Variants in ARL14EPL observed in about 807,000 individuals in gnomAD.
ARL14EPL encodes ARF like GTPase 14 effector protein like, also known as ARL14 effector protein-like.
Under a neutral mutation model 15.9 loss-of-function variants are expected in ARL14EPL, and 17 were observed. That is an observed-to-expected ratio of 1.07 (90% CI 0.73 to 1.60). The LOEUF (loss-of-function observed/expected upper bound fraction) is 1.60. Among genes scored for constraint, ARL14EPL ranks in the 40% most tolerant of loss-of-function variants. The pLI is 0.00. For missense variants in ARL14EPL, 214 were observed against 185.9 expected (o/e 1.15, Z -0.88); for synonymous variants, 78 against 63.8 (o/e 1.22, Z -1.06).
chr5:116,042,051 G>A (rs937495430), intron 1 of ARL14EPL, among the ~76,000 whole-genome samples: 7 of 151,942 alleles, frequency 4.6e-5, no homozygotes, highest in Admixed American at 6.6e-5. Context: ...GGCTGGTCTC[G>A]AATGTCTGGG....
At chr5:116,056,248 G>GT (rs772018900) in intron 3 of ARL14EPL, among the ~76,000 whole-genome samples, 2 of 152,008 alleles carry the variant, frequency 1.3e-5, no homozygotes, top group Non-Finnish European at 2.9e-5. Flanking sequence ...GGTTGAAGTA[G>GT]TTTACTGTCC....
At chr5:116,034,535 A>G (rs1419910801) in intron 1 of ARL14EPL, among the ~76,000 whole-genome samples, 2 of 151,960 alleles carry the variant, frequency 1.3e-5, no homozygotes, top group Non-Finnish European at 2.9e-5. Flanking sequence ...CCCAACACAT[A>G]CCCCCATTTT....
At chr5:116,049,722 G>T (rs556403832) in intron 1 of ARL14EPL, among the ~76,000 whole-genome samples, 1 of 152,170 alleles carries the variant, frequency 6.6e-6, no homozygotes. Flanking sequence ...GACCATAAAA[G>T]AGAGATAAGT....
At chr5:116,044,785 C>T (rs1225724624) in intron 1 of ARL14EPL, among the ~76,000 whole-genome samples, 2 of 152,066 alleles carry the variant, frequency 1.3e-5, no homozygotes, top group Admixed American at 6.6e-5. Flanking sequence ...CTCCCCTCGT[C>T]CCAGCCATTA....
intron 1 of ARL14EPL, 115 bp from the exon 2 acceptor site, chr5:116,051,341 AC>A: frequency 2.9e-6 from 2 of 686,024 alleles, no homozygotes; most frequent in East Asian, 2.8e-5. Context: ...GAGTACAGAT[AC>A]AGTCTGGTTT....
At chr5:116,043,803 G>A (rs183101780) in intron 1 of ARL14EPL, among the ~76,000 whole-genome samples, 83 of 152,246 alleles carry the variant, frequency 5.5e-4, no homozygotes, top group African/African-American at 1.9e-3. Context: ...ATTTTCCTCT[G>A]TCTAGTTTTA....
chr5:116,045,492 C>T (rs534783345), intron 1 of ARL14EPL, among the ~76,000 whole-genome samples: 2 of 152,222 alleles, frequency 1.3e-5, no homozygotes, highest in South Asian at 4.2e-4. Flanking sequence ...AATGTATAAT[C>T]CAACAGATCC....
intron 1 of ARL14EPL, among the ~76,000 whole-genome samples, chr5:116,035,438 T>C (rs1423187060): frequency 2.0e-5 from 3 of 152,232 alleles, no homozygotes; most frequent in Non-Finnish European, 4.4e-5. Context: ...TGAGAATCTA[T>C]TTCCTAGAAT....
chr5:116,054,155 T>C lies in ARL14EPL; in HGVS notation c.236+2T>C. 1 of 1,534,542 alleles carries C rather than the reference T, an allele frequency of 6.5e-7. No individual in the cohort carries two copies. Among genetic ancestry groups the C allele is most frequent in the Non-Finnish European group, 8.7e-7 (1 of 1,146,034 alleles). On this transcript the variant is annotated splice_donor_variant, in intron 3 of 3. Coordinates refer to ENST00000686077, the MANE Select transcript of ARL14EPL (RefSeq NM_001195581.2). LOFTEE classifies it high-confidence loss of function. ...TGAATATTTTTCTACCAAATACAAG[T>C]AAGATTCTGACTTATTGTATTTGAT... is the stretch of plus-strand genomic sequence containing the variant.
chr5:116,056,883 A>G (rs1487666817), intron 3 of ARL14EPL, among the ~76,000 whole-genome samples: 6 of 152,230 alleles, frequency 3.9e-5, no homozygotes, highest in Non-Finnish European at 8.8e-5. Context: ...CAGTTTTCCC[A>G]GCACCATTTG....
chr5:116,033,835 TA>T (rs1749001550), intron 1 of ARL14EPL, among the ~76,000 whole-genome samples: 1 of 152,212 alleles, frequency 6.6e-6, no homozygotes, highest in African/African-American at 2.4e-5. Context: ...GTATTTAAAA[TA>T]GAGTATATGT....
intron 1 of ARL14EPL, among the ~76,000 whole-genome samples, chr5:116,039,356 G>A (rs1749106059): frequency 6.6e-6 from 1 of 151,924 alleles, no homozygotes. Flanking sequence ...CTCTACAAAG[G>A]TATCAGGAAA....
At chr5:116,057,050 A>T (rs533649804) in intron 3 of ARL14EPL, among the ~76,000 whole-genome samples, 1 of 152,242 alleles carries the variant, frequency 6.6e-6, no homozygotes, top group Admixed American at 6.5e-5. Context: ...AACCAAATCC[A>T]GCAGCATATC....
intron 2 of ARL14EPL, among the ~76,000 whole-genome samples, chr5:116,053,680 T>A (rs1749449886): frequency 1.3e-5 from 2 of 152,184 alleles, no homozygotes; most frequent in Non-Finnish European, 2.9e-5. Flanking sequence ...CTTACCCACA[T>A]CAAATGCTAA....
intron 2 of ARL14EPL, among the ~76,000 whole-genome samples, chr5:116,052,723 T>G (rs1749416563): frequency 6.6e-6 from 1 of 152,378 alleles, no homozygotes; most frequent in Admixed American, 6.5e-5. Flanking sequence ...AGAAACATTA[T>G]ATTATTTTAG....
At chr5:116,052,339 A>G (rs1749405783) in intron 2 of ARL14EPL, 11 of 884,338 alleles carry the variant, frequency 1.2e-5, no homozygotes, top group Non-Finnish European at 2.1e-5. Flanking sequence ...ATGTCGGACA[A>G]AAAAGCTACA....
chr5:116,047,779 G>GAAAC (rs1353571289), intron 1 of ARL14EPL, among the ~76,000 whole-genome samples: 85,137 of 151,668 alleles, frequency 0.56, 25,181 homozygotes, highest in Middle Eastern at 0.67. Flanking sequence ...CACAGATAGG[G>GAAAC]TGGAGGAAAA....
Position 116,036,579 on chromosome 5 carries a change from G to A in ARL14EPL, c.-10+4074G>A, listed in dbSNP as rs1385573678. 3.3e-5 allele frequency among the ~76,000 whole-genome samples: 5 copies of A among 152,202 alleles called. No homozygotes were observed. In the East Asian group the frequency reaches 5.8e-4, roughly 18 times the overall value. ...AGCTCTAAAATGACTAGCTTCATGCGGTCAAGTCACTGTTTGGGTTTCTAC... is the reference window on the plus strand; with the variant it reads ...AGCTCTAAAATGACTAGCTTCATGCAGTCAAGTCACTGTTTGGGTTTCTAC... On this transcript the variant is annotated intron_variant, in intron 1 of 3. Coordinates refer to ENST00000686077, the MANE Select transcript of ARL14EPL (RefSeq NM_001195581.2).
intron 1 of ARL14EPL, among the ~76,000 whole-genome samples, chr5:116,046,664 T>A (rs1749273785): frequency 6.6e-6 from 1 of 152,206 alleles, no homozygotes; most frequent in Non-Finnish European, 1.5e-5. Flanking sequence ...AGCTGCTTCA[T>A]CTGATGCTGA....
Sources: gnomAD v4.1 joint callset for allele counts (sites outside exome capture counted in the v4.1 genomes callset) on GRCh38, gnomAD v4.1.1 for gene constraint, MANE v1.5 for transcripts, NCBI Gene and HGNC (gene_info 2026-07-23, HGNC 2026-07-21) for gene names.